Variants in DCC observed in about 807,000 individuals in gnomAD.
DCC encodes netrin receptor DCC.
A neutral mutation model predicts 172.5 loss-of-function variants in DCC; 58 were observed. The observed-to-expected ratio is 0.34, with a 90% CI of 0.27 to 0.42. The LOEUF (loss-of-function observed/expected upper bound fraction) is 0.42, where lower values mean the gene tolerates loss of function less well. Ranked by LOEUF, DCC falls within the 10% of genes least tolerant of loss-of-function variation. The pLI, the probability that DCC is intolerant of heterozygous loss-of-function variation, is 1.00. For synonymous variants in DCC, 709 were observed against 644.5 expected, an observed-to-expected ratio of 1.10 and a Z score of -1.52; for missense variants, 1,740 against 1,791.0, an observed-to-expected ratio of 0.97 and a Z score of 0.51.
intron 2 of DCC, among the ~76,000 whole-genome samples, chr18:52,803,928 GAC>G (rs1321800651): frequency 2.7e-4 from 41 of 152,292 alleles, no homozygotes; most frequent in African/African-American, 9.6e-4. Context: ...CATATGTGAT[GAC>G]GTTTTGCTGG....
intron 2 of DCC, among the ~76,000 whole-genome samples, chr18:52,772,390 G>A (rs753408243): frequency 5.9e-5 from 9 of 152,152 alleles, no homozygotes; most frequent in South Asian, 2.1e-4. Flanking sequence ...GCATCTCTAC[G>A]GATTGCCATG....
At chr18:53,039,347 G>T (rs934311810) in intron 5 of DCC, among the ~76,000 whole-genome samples, 1 of 151,986 alleles carries the variant, frequency 6.6e-6, no homozygotes. Context: ...TATAATTTCT[G>T]CTGTTTTTAT....
chr18:52,835,942 G>A (rs1393546430), intron 2 of DCC, among the ~76,000 whole-genome samples: 4 of 152,228 alleles, frequency 2.6e-5, no homozygotes, highest in Admixed American at 2.0e-4. Context: ...AAAAATATCC[G>A]AGACTGAGTA....
At chr18:53,216,247 A>T (rs1197832566) in intron 12 of DCC, among the ~76,000 whole-genome samples, 1 of 152,164 alleles carries the variant, frequency 6.6e-6, no homozygotes, top group Admixed American at 6.6e-5. Flanking sequence ...GGTTGGAAAT[A>T]AGCCAAGGCC....
chr18:52,462,620 A>G (rs894648398), intron 1 of DCC, among the ~76,000 whole-genome samples: 7 of 152,030 alleles, frequency 4.6e-5, no homozygotes, highest in African/African-American at 1.7e-4. Context: ...CCTCTCCCAG[A>G]TACAGTCTCT....
At chr18:53,234,742 A>G (rs973964572) in intron 12 of DCC, among the ~76,000 whole-genome samples, 2 of 152,244 alleles carry the variant, frequency 1.3e-5, no homozygotes, top group Admixed American at 6.5e-5. Context: ...ACTCTGGATT[A>G]TATCAAAAGA....
At chr18:53,530,405 C>T (rs1384303394) in intron 28 of DCC, 159 bp from the exon 29 acceptor site, 6 of 711,678 alleles carry the variant, frequency 8.4e-6, no homozygotes, top group African/African-American at 1.7e-5. Context: ...TTATTACCAG[C>T]ATCTTCATTC....
chr18:53,155,210 A>G (rs568689292), intron 7 of DCC, among the ~76,000 whole-genome samples: 1 of 152,244 alleles, frequency 6.6e-6, no homozygotes, highest in East Asian at 1.9e-4. Flanking sequence ...CACTACCCAG[A>G]TGAATTTTTC....
At chr18:53,174,605 A>T (rs2055062207) in intron 8 of DCC, among the ~76,000 whole-genome samples, 1 of 150,858 alleles carries the variant, frequency 6.6e-6, no homozygotes, top group Non-Finnish European at 1.5e-5. Context: ...TGACACATAC[A>T]CTCTCCCAAG....
chr18:52,918,257 G>A (rs889141182), intron 3 of DCC, among the ~76,000 whole-genome samples: 5 of 152,082 alleles, frequency 3.3e-5, no homozygotes, highest in Non-Finnish European at 7.4e-5. Flanking sequence ...TCTATTAGCT[G>A]AATAATTGCA....
intron 10 of DCC, among the ~76,000 whole-genome samples, chr18:53,206,370 A>ATAT (rs2055638474): frequency 5.1e-5 from 2 of 38,906 alleles, no homozygotes; most frequent in African/African-American, 1.6e-4. Context: ...TATGTATTGT[A>ATAT]ACACATATAT....
chr18:53,127,253 C>T (rs573253371), intron 7 of DCC, among the ~76,000 whole-genome samples: 5 of 151,342 alleles, frequency 3.3e-5, no homozygotes, highest in African/African-American at 7.3e-5. Flanking sequence ...GTGATCCTCC[C>T]GCCTGAGCCT....
At chr18:53,056,747 G>A (rs2144056878) in intron 5 of DCC, among the ~76,000 whole-genome samples, 1 of 152,098 alleles carries the variant, frequency 6.6e-6, no homozygotes, top group South Asian at 2.1e-4. Context: ...TGTTCTCAGG[G>A]CAGAATCACA....
intron 1 of DCC, among the ~76,000 whole-genome samples, chr18:52,423,649 G>A (rs543321281): frequency 6.6e-6 from 1 of 152,200 alleles, no homozygotes; most frequent in Non-Finnish European, 1.5e-5. Flanking sequence ...TTACACATAT[G>A]TGCTGAGGGT....
rs182267349 is a variant in DCC at position 52,609,646 on chromosome 18, G to T, written c.92-142408G>T. Among the ~76,000 whole-genome samples the T allele has an allele frequency of 3.5e-3, 539 of 151,888 alleles. 5 individuals carry two copies. Among genetic ancestry groups the T allele is most frequent in the African/African-American group, 0.012 (511 of 41,398 alleles). On this transcript the variant is annotated intron_variant, in intron 1 of 28. Transcript: ENST00000442544. ...ACATTCCTCTCTGTTATTACCTCCA[G>T]CACAACTTTGCTGTAGAATTTTCAA... is the stretch of plus-strand genomic sequence containing the variant.
chr18:53,157,208 T>C, intron 7 of DCC, 148 bp from the exon 8 acceptor site: 1 of 912,454 alleles, frequency 1.1e-6, no homozygotes, highest in Non-Finnish European at 1.8e-6. Flanking sequence ...TTCCATTTAC[T>C]GTGTGCATTC....
rs538752627 is a variant in DCC at position 52,685,243 on chromosome 18, A to G, written c.92-66811A>G. Among the ~76,000 whole-genome samples the G allele has an allele frequency of 3.2e-4, 48 of 152,208 alleles. 1 individual carries two copies. The South Asian group carries it at 9.3e-3, about 30-fold the overall frequency. On this transcript the variant is annotated intron_variant, in intron 1 of 28. Coordinates refer to ENST00000442544, the MANE Select transcript of DCC (RefSeq NM_005215.4). ...TTTCCCATTTTGTTTCCTTCTTAGAATACATTGGAGGGCTTTCTTGGTCTC... is the reference window on the plus strand; with the variant it reads ...TTTCCCATTTTGTTTCCTTCTTAGAGTACATTGGAGGGCTTTCTTGGTCTC...
intron 15 of DCC, among the ~76,000 whole-genome samples, chr18:53,364,059 G>A (rs961678858): frequency 3.9e-5 from 6 of 152,146 alleles, no homozygotes; most frequent in Admixed American, 6.5e-5. Flanking sequence ...CCATAAATCA[G>A]CAATTCAATC....
chr18:53,520,977 A>G (rs1250219987), intron 27 of DCC, among the ~76,000 whole-genome samples: 1 of 152,014 alleles, frequency 6.6e-6, no homozygotes, highest in Non-Finnish European at 1.5e-5. Context: ...CTTTGTCTCT[A>G]CTAGAATTTT....
Sources: allele counts gnomAD v4.1 joint callset (sites outside exome capture counted in the v4.1 genomes callset), GRCh38; gene constraint gnomAD v4.1.1; transcripts MANE v1.5; gene names NCBI Gene and HGNC (gene_info 2026-07-23, HGNC 2026-07-21).